The following WRNIP1 variants were observed in gnomAD, a reference collection of about 807,000 sequenced individuals.
WRNIP1 encodes ATPase WRNIP1.
Under a neutral mutation model 56.1 loss-of-function variants are expected in WRNIP1, and 41 were observed. The ratio of observed to expected loss-of-function variants is 0.73; its 90% CI spans 0.57 to 0.95. WRNIP1 has a LOEUF of 0.95. Among genes scored for constraint, WRNIP1 ranks in the 40% least tolerant of loss-of-function variants. The pLI is 0.00. For synonymous variants in WRNIP1, 547 were observed against 398.1 expected (o/e 1.37, Z -4.45); for missense variants, 1,170 against 939.4 (o/e 1.25, Z -3.21).
Position 2,765,665 on chromosome 6 carries a change from C to A in WRNIP1, c.43C>A (p.Leu15Met). Residue 15 changes from leucine (L) to methionine (M), a missense_variant, in exon 1 of 7, where the codon CTG becomes ATG. By Grantham distance (15) the Leu-to-Met change is conservative. Transcript: ENST00000380773. ...GGAAGACGACCCCTTCCTTTCGCAG[C>A]TGCACCAGGTGCAGTGCCCCGTGTG... ...GPEDDPFLSQ[L>M]HQVQCPVCQQ... The A allele has an allele frequency of 6.4e-7, 1 of 1,551,422 alleles. No homozygotes were observed. Among genetic ancestry groups the A allele is most frequent in the African/African-American group, 1.4e-5 (1 of 70,512 alleles).
At position 2,784,301 on chromosome 6, in the gene WRNIP1, T is replaced by C. The variant is rs1255329717; in HGVS notation, c.1643-23T>C. The stretch of plus-strand genomic sequence containing the variant: ...ACAGTGTGTGTCATGACTGAAACTC[T>C]CCTTTGTCTCTGTGTGTGGCAGGTC... On this transcript the variant is annotated intron_variant, in intron 5 of 6. Coordinates refer to ENST00000380773, the MANE Select transcript of WRNIP1 (RefSeq NM_020135.3). 3.1e-6 allele frequency: 5 copies of C among 1,608,576 alleles called. No homozygotes were observed. The African/African-American group carries it at 4.0e-5, about 13-fold the overall frequency.
Position 2,766,203 on chromosome 6 carries a change from C to A in WRNIP1, c.581C>A (p.Ala194Asp). 1 of 1,439,486 alleles carries A rather than the reference C, an allele frequency of 6.9e-7. No homozygotes were observed. The highest frequency in any genetic ancestry group is 9.1e-7 in the Non-Finnish European group (1 of 1,094,362). The allele number at this position is 1,439,486 out of a possible 1,614,324, so 89.2% of individuals were successfully genotyped here. A position where few individuals can be genotyped will look rare whatever the true frequency, so the allele number is the denominator to read the frequency against. Reference sequence around the variant, plus strand: ...CCGGGGCACTGGGACGCGGACGCTGCCGAAGCCGCCACCGCCTTCGGGGCC... The same window carrying A: ...CCGGGGCACTGGGACGCGGACGCTGACGAAGCCGCCACCGCCTTCGGGGCC... Reference protein sequence around the residue: ...DDPGHWDADAAEAATAFGASG... With the variant: ...DDPGHWDADADEAATAFGASG... Residue 194 changes from alanine to aspartate, a missense_variant, in exon 1 of 7, where the codon GCC (alanine) becomes GAC (aspartate). Physicochemically the swap from Ala to Asp is moderately radical, Grantham distance 126 (BLOSUM62 -2). Coordinates refer to ENST00000380773, the MANE Select transcript of WRNIP1 (RefSeq NM_020135.3).
intron 3 of WRNIP1, among the ~76,000 whole-genome samples, chr6:2,771,129 G>A (rs1274430770): frequency 1.3e-5 from 2 of 152,166 alleles, no homozygotes; most frequent in African/African-American, 2.4e-5. Context: ...GGTGTGATGA[G>A]AGGCTATTGC....
At chr6:2,776,448 GGAA>G (rs1344315527) in intron 3 of WRNIP1, among the ~76,000 whole-genome samples, 2 of 152,210 alleles carry the variant, frequency 1.3e-5, no homozygotes, top group Non-Finnish European at 1.5e-5. Flanking sequence ...CCCAAGGGGA[GGAA>G]GAAGAAGGGA....
intron 3 of WRNIP1, chr6:2,774,398 C>A: frequency 2.0e-6 from 1 of 494,590 alleles, no homozygotes; most frequent in Non-Finnish European, 2.6e-6. Flanking sequence ...TCTCATCCAG[C>A]ATCTGATGGC....
chr6:2,765,478 G>T lies in WRNIP1; in HGVS notation c.-145G>T. 9.4e-7 allele frequency: 1 copy of T among 1,058,678 alleles called. No individual in the cohort carries two copies. The highest frequency in any genetic ancestry group is 3.7e-5 in the East Asian group (1 of 27,304). 65.6% of individuals were successfully genotyped at this position (1,058,678 alleles called of 1,614,324 possible). A position where few individuals can be genotyped will look rare whatever the true frequency, so the allele number is the denominator to read the frequency against. On this transcript the variant is annotated 5_prime_UTR_variant, in exon 1 of 7. Coordinates refer to ENST00000380773, the MANE Select transcript of WRNIP1 (RefSeq NM_020135.3). ...GGAGCTGCGGACGTGAGGCATGAGC[G>T]GCGCCCTCCTCCGGCCCGCGAGCGT...
chr6:2,777,983 T>A (rs186489905), intron 3 of WRNIP1, among the ~76,000 whole-genome samples: 111 of 152,306 alleles, frequency 7.3e-4, no homozygotes, highest in African/African-American at 2.5e-3. Flanking sequence ...AAGGAATAAC[T>A]GGAAATCAAC....
intron 3 of WRNIP1, among the ~76,000 whole-genome samples, chr6:2,772,722 ACAAGTGAT>A (rs1157052596): frequency 6.6e-6 from 1 of 152,250 alleles, no homozygotes; most frequent in Non-Finnish European, 1.5e-5. Flanking sequence ...AAGAACTCTT[ACAAGTGAT>A]TTCCGAATAC....
intron 3 of WRNIP1, among the ~76,000 whole-genome samples, chr6:2,772,657 A>T (rs1765330720): frequency 6.6e-6 from 1 of 152,254 alleles, no homozygotes; most frequent in Admixed American, 6.5e-5. Flanking sequence ...TTAATTGGTC[A>T]ACTTGTTAGC....
chr6:2,783,069 C>G (rs1281559464), intron 4 of WRNIP1, among the ~76,000 whole-genome samples: 1 of 47,980 alleles, frequency 2.1e-5, no homozygotes, highest in Non-Finnish European at 5.3e-5. Flanking sequence ...AGAGCCAGAA[C>G]AGAAGACTCG....
intron 3 of WRNIP1, among the ~76,000 whole-genome samples, chr6:2,775,536 CT>C (rs1765411567): frequency 6.6e-6 from 1 of 152,192 alleles, no homozygotes; most frequent in Admixed American, 6.5e-5. Context: ...CATGCATATT[CT>C]TTCATTCTGC....
In WRNIP1 at chr6:2,783,536, T is replaced by C; in HGVS notation, c.1617T>C (p.Leu539=). Residue 539 remains leucine, a synonymous_variant, in exon 5 of 7, where the codon CTT becomes CTC. Transcript: ENST00000380773. ...ACCCACTCTACGTGGCACGGAGGCT[T>C]GTCAGGTTTGCCAGCGAGGACATAG... The part of the protein sequence containing the change: ...GEDPLYVARR[L]VRFASEDIGL... 1 of 1,612,514 alleles carries C rather than the reference T, an allele frequency of 6.2e-7. No individual in the cohort carries two copies.
intron 3 of WRNIP1, among the ~76,000 whole-genome samples, chr6:2,776,954 T>C (rs891013839): frequency 6.6e-6 from 1 of 152,240 alleles, no homozygotes; most frequent in Non-Finnish European, 1.5e-5. Context: ...CAGGTCTGAG[T>C]AGCTTGTTTT....
intron 4 of WRNIP1, among the ~76,000 whole-genome samples, chr6:2,782,420 G>A (rs896714774): frequency 2.0e-5 from 3 of 152,226 alleles, no homozygotes; most frequent in African/African-American, 7.2e-5. Context: ...CAGCATCTTC[G>A]CTTGCTCTCT....
intron 2 of WRNIP1, 116 bp from the exon 3 acceptor site, chr6:2,770,004 C>A: frequency 6.9e-7 from 1 of 1,444,860 alleles, no homozygotes; most frequent in Non-Finnish European, 9.4e-7. Context: ...TGCTGCTATT[C>A]CTGAACTCGA....
At chr6:2,777,158 TTTG>T (rs923989424) in intron 3 of WRNIP1, among the ~76,000 whole-genome samples, 1 of 152,226 alleles carries the variant, frequency 6.6e-6, no homozygotes, top group African/African-American at 2.4e-5. Context: ...ATGGATTCTT[TTTG>T]TTTTCTCTAT....
chr6:2,766,532 A>G, intron 1 of WRNIP1, 88 bp downstream of exon 1: 1 of 1,414,376 alleles, frequency 7.1e-7, no homozygotes, highest in African/African-American at 1.4e-5. Context: ...GCTGCCCTCG[A>G]AAGAAGCCGC....
At chr6:2,770,847 TA>T (rs1183723263) in intron 3 of WRNIP1, among the ~76,000 whole-genome samples, 2 of 152,224 alleles carry the variant, frequency 1.3e-5, no homozygotes, top group African/African-American at 2.4e-5. Context: ...CTTGTAACCT[TA>T]AAATTATGTA....
chr6:2,775,050 G>GAAACT (rs1359029216), intron 3 of WRNIP1, among the ~76,000 whole-genome samples: 2 of 152,154 alleles, frequency 1.3e-5, no homozygotes, highest in Non-Finnish European at 2.9e-5. Flanking sequence ...ACTAGATGAG[G>GAAACT]AAACTGAGGC....
Sources: allele counts gnomAD v4.1 joint callset (sites outside exome capture counted in the v4.1 genomes callset), GRCh38; gene constraint gnomAD v4.1.1; transcripts MANE v1.5; gene names NCBI Gene and HGNC (gene_info 2026-07-23, HGNC 2026-07-21).